FBN1: variants seen among roughly 807,000 people sequenced by gnomAD.
FBN1 encodes the protein fibrillin 1.
A neutral mutation model predicts 365.1 loss-of-function variants in FBN1; 29 were observed. The ratio of observed to expected loss-of-function variants is 0.08; its 90% CI spans 0.06 to 0.11. The LOEUF (loss-of-function observed/expected upper bound fraction) is 0.11. FBN1 is among the 10% of genes least tolerant of loss of function. The pLI is 1.00. For missense variants in FBN1, 2,476 were observed against 3,703.2 expected, an observed-to-expected ratio of 0.67 and a Z score of 8.60; for synonymous variants, 1,210 against 1,270.5, an observed-to-expected ratio of 0.95 and a Z score of 1.01.
chr15:48,594,957 A>G (rs921482674), intron 6 of FBN1, among the ~76,000 whole-genome samples: 3 of 152,226 alleles, frequency 2.0e-5, no homozygotes, highest in East Asian at 3.8e-4. Context: ...CTGGACCATT[A>G]TAATTATTAG....
At chr15:48,625,366 ACT>A (rs1293486612) in intron 2 of FBN1, among the ~76,000 whole-genome samples, 1 of 152,130 alleles carries the variant, frequency 6.6e-6, no homozygotes, top group Non-Finnish European at 1.5e-5. Context: ...CCAGAGGAAA[ACT>A]TGGCCACTCA....
chr15:48,587,860 T>C (rs1028886050), intron 6 of FBN1, among the ~76,000 whole-genome samples: 2 of 152,182 alleles, frequency 1.3e-5, no homozygotes, highest in Admixed American at 1.3e-4. Context: ...CTTTATCACT[T>C]ATATTTGATC....
At chr15:48,471,642 TAA>T in intron 35 of FBN1, among the ~76,000 whole-genome samples, 1 of 152,294 alleles carries the variant, frequency 6.6e-6, no homozygotes, top group African/African-American at 2.4e-5. Flanking sequence ...AGTATTCACA[TAA>T]AAATACATGA....
rs1282483526 is a variant in FBN1 at position 48,503,916 on chromosome 15, A to G, written c.1984T>C (p.Tyr662His). ...CACTGGCCTCTCTTGTATCCACCATAGCATGTGCTCCGCATGTGTGTGTCT... is the reference window on the plus strand; with the variant it reads ...CACTGGCCTCTCTTGTATCCACCATGGCATGTGCTCCGCATGTGTGTGTCT... Reference protein sequence around the residue: ...CVDTHMRSTCYGGYKRGQCIK... With the variant: ...CVDTHMRSTCHGGYKRGQCIK... Residue 662 changes from tyrosine to histidine, a missense_variant, in exon 17 of 66, where the codon TAT (tyrosine) becomes CAT (histidine). Physicochemically the swap from Tyr to His is moderately conservative, Grantham distance 83 (BLOSUM62 2). This residue lies in a region of FBN1 where 1,780 missense variants were observed against 2,840.8 expected (regional missense o/e 0.63). Coordinates refer to ENST00000316623, the MANE Select transcript of FBN1 (RefSeq NM_000138.5). The G allele has an allele frequency of 6.2e-7, 1 of 1,614,108 alleles. No individual in the cohort carries two copies. Among genetic ancestry groups the G allele is most frequent in the East Asian group, 2.2e-5 (1 of 44,906 alleles).
At position 48,606,378 on chromosome 15, in the gene FBN1, C is replaced by T. The variant is rs78114450; in HGVS notation, c.346+4350G>A. ...ATGGCCAAACAAACTTGTGGTACAT[C>T]CATAGCATGTACTACTACTCAGCAA... On this transcript the variant is annotated intron_variant, in intron 4 of 65. Coordinates refer to ENST00000316623, the MANE Select transcript of FBN1 (RefSeq NM_000138.5). 3.2e-3 allele frequency among the ~76,000 whole-genome samples: 482 copies of T among 152,264 alleles called. 17 individuals carry two copies. In the South Asian group the frequency reaches 0.039, roughly 12 times the overall value.
intron 36 of FBN1, among the ~76,000 whole-genome samples, chr15:48,468,797 G>A (rs1352035753): frequency 2.0e-5 from 3 of 149,826 alleles, no homozygotes; most frequent in African/African-American, 7.4e-5. Flanking sequence ...GGCCGGGCAC[G>A]GTGGCTCACG....
intron 31 of FBN1, among the ~76,000 whole-genome samples, chr15:48,482,528 G>A (rs955800848): frequency 6.6e-6 from 1 of 152,200 alleles, no homozygotes; most frequent in Non-Finnish European, 1.5e-5. Context: ...GAATAGGAGA[G>A]TTTTAACTTC....
intron 4 of FBN1, among the ~76,000 whole-genome samples, chr15:48,605,126 C>G (rs1876205): frequency 0.12 from 17,738 of 152,100 alleles, 1,221 homozygotes; most frequent in Non-Finnish European, 0.15. Context: ...TATCAAAATC[C>G]TAAAAGGTTT....
chr15:48,463,341 A>G, intron 41 of FBN1, 101 bp from the exon 42 acceptor site: 1 of 1,156,740 alleles, frequency 8.6e-7, no homozygotes, highest in African/African-American at 1.5e-5. Context: ...TTTCATTTGA[A>G]TTGTATTGTA....
intron 32 of FBN1, among the ~76,000 whole-genome samples, chr15:48,479,335 C>T (rs2043449552): frequency 6.6e-6 from 1 of 152,306 alleles, no homozygotes; most frequent in East Asian, 1.9e-4. Flanking sequence ...CAGGTCAGGG[C>T]TGTTACTTAC....
In FBN1 at chr15:48,596,509, C is replaced by T. The variant is rs561111226; in HGVS notation, c.443-131G>A. On this transcript the variant is annotated intron_variant, in intron 5 of 65. Coordinates refer to ENST00000316623, the MANE Select transcript of FBN1 (RefSeq NM_000138.5). ...CTGGTGTTTGTTTTGGACGGTCACT[C>T]TACAGTTACACATACTCAGATATTC... The T allele has an allele frequency of 9.9e-6, 8 of 807,580 alleles. No individual in the cohort carries two copies. In the East Asian group the frequency reaches 1.1e-4, roughly 11 times the overall value. The allele number at this position is 807,580 out of a possible 1,614,324, so 50.0% of individuals were successfully genotyped here. A position where few individuals can be genotyped will look rare whatever the true frequency, so the allele number is the denominator to read the frequency against.
chr15:48,441,578 A>C, intron 50 of FBN1, 143 bp downstream of exon 50: 1 of 1,031,320 alleles, frequency 9.7e-7, no homozygotes, highest in Non-Finnish European at 1.5e-6. Flanking sequence ...CTTCTGACAT[A>C]TGGTTATCAT....
intron 6 of FBN1, 80 bp downstream of exon 6, chr15:48,596,203 G>T: frequency 8.0e-7 from 1 of 1,251,266 alleles, no homozygotes; most frequent in Non-Finnish European, 1.2e-6. Flanking sequence ...AAGTAGCCAT[G>T]CAGACCCAAT....
At chr15:48,551,621 TA>T (rs1174779113) in intron 6 of FBN1, among the ~76,000 whole-genome samples, 1 of 151,982 alleles carries the variant, frequency 6.6e-6, no homozygotes. Flanking sequence ...ATCACCCAAG[TA>T]TTAAGCCTAG....
At chr15:48,487,017 A>G in intron 29 of FBN1, 58 bp downstream of exon 29, 1 of 1,237,988 alleles carries the variant, frequency 8.1e-7, no homozygotes, top group Admixed American at 3.2e-5. Flanking sequence ...ACATAACATA[A>G]CATAACATAA....
chr15:48,434,805 G>A, intron 53 of FBN1, 92 bp from the exon 54 acceptor site: 4 of 1,506,912 alleles, frequency 2.7e-6, no homozygotes, highest in Non-Finnish European at 3.6e-6. Flanking sequence ...TTTTGTTGTT[G>A]TTGTTGTTTT....
At chr15:48,558,019 T>A (rs1402543682) in intron 6 of FBN1, among the ~76,000 whole-genome samples, 1 of 152,106 alleles carries the variant, frequency 6.6e-6, no homozygotes, top group Non-Finnish European at 1.5e-5. Context: ...TCCTATTTTT[T>A]AAAAACTCTT....
At chr15:48,526,374 A>G in intron 8 of FBN1, 119 bp from the exon 9 acceptor site, 1 of 1,116,538 alleles carries the variant, frequency 9.0e-7, no homozygotes, top group Non-Finnish European at 1.3e-6. Context: ...GCCATCATTA[A>G]AAAGTAAAAA....
chr15:48,623,028 C>G (rs917963315), intron 2 of FBN1, among the ~76,000 whole-genome samples: 8 of 152,170 alleles, frequency 5.3e-5, no homozygotes, highest in African/African-American at 1.9e-4. Flanking sequence ...ATGTCTAGAT[C>G]TCATCCCTGA....
Sources: gnomAD v4.1 joint callset for allele counts (sites outside exome capture counted in the v4.1 genomes callset) on GRCh38, gnomAD v4.1.1 for gene constraint, gnomAD v4.1.1 regional missense constraint, MANE v1.5 for transcripts, NCBI Gene and HGNC (gene_info 2026-07-23, HGNC 2026-07-21) for gene names.